Variants in GRID2 observed in about 807,000 individuals in gnomAD.
GRID2 encodes glutamate receptor ionotropic, delta-2.
In GRID2, 33 loss-of-function variants were observed where a neutral mutation model predicts 114.8. The observed-to-expected ratio is 0.29, with a 90% confidence interval of 0.22 to 0.38. GRID2 has a LOEUF of 0.38. Ranked by LOEUF, GRID2 falls within the 10% of genes least tolerant of loss-of-function variation. GRID2 has a pLI of 1.00. For synonymous variants in GRID2, 505 were observed against 449.9 expected (o/e 1.12, Z -1.55); for missense variants, 1,184 against 1,257.7 (o/e 0.94, Z 0.89).
At chr4:92,804,186 C>A (rs763444671) in intron 2 of GRID2, among the ~76,000 whole-genome samples, 1 of 152,138 alleles carries the variant, frequency 6.6e-6, no homozygotes, top group South Asian at 2.1e-4. Context: ...CTTCCAAGAT[C>A]TTCTTTGCAA....
chr4:92,862,202 C>T (rs1242613277), intron 2 of GRID2, among the ~76,000 whole-genome samples: 1 of 151,940 alleles, frequency 6.6e-6, no homozygotes, highest in African/African-American at 2.4e-5. Context: ...TCAATCTTAA[C>T]AAAGCTATCT....
At chr4:92,881,515 C>T (rs1432793992) in intron 2 of GRID2, among the ~76,000 whole-genome samples, 1 of 151,714 alleles carries the variant, frequency 6.6e-6, no homozygotes, top group Admixed American at 6.6e-5. Context: ...CTTTTTTTTC[C>T]TGACCCAATA....
chr4:93,209,550 A>T (rs530474392), intron 5 of GRID2, among the ~76,000 whole-genome samples: 1 of 152,084 alleles, frequency 6.6e-6, no homozygotes, highest in Non-Finnish European at 1.5e-5. Context: ...TAGTGATGCA[A>T]TGGACATAGG....
intron 2 of GRID2, among the ~76,000 whole-genome samples, chr4:92,922,435 G>A (rs559343323): frequency 7.9e-5 from 12 of 152,128 alleles, no homozygotes; most frequent in East Asian, 1.9e-4. Flanking sequence ...CCTCTGTGTC[G>A]CTCATGCTGG....
intron 8 of GRID2, among the ~76,000 whole-genome samples, chr4:93,259,652 T>C (rs937576217): frequency 1.3e-5 from 2 of 151,894 alleles, no homozygotes; most frequent in African/African-American, 4.8e-5. Flanking sequence ...AGTTATTTTT[T>C]AATATATTTT....
At chr4:92,533,105 C>T (rs966510272) in intron 1 of GRID2, among the ~76,000 whole-genome samples, 2 of 151,830 alleles carry the variant, frequency 1.3e-5, no homozygotes, top group African/African-American at 4.8e-5. Flanking sequence ...TTTTATTCTC[C>T]CTTTCTGTTC....
Position 92,541,161 on chromosome 4 carries a change from G to T in GRID2, c.89-48970G>T, listed in dbSNP as rs183219664. Among the ~76,000 whole-genome samples the T allele has an allele frequency of 3.6e-4, 54 of 151,986 alleles. 1 individual carries two copies. Among genetic ancestry groups the T allele is most frequent in the Non-Finnish European group, 2.9e-5 (2 of 68,010 alleles). On this transcript the variant is annotated intron_variant, in intron 1 of 15. Transcript: ENST00000282020. ...CCTGTTGTAGGGTGGGGAGAGGGGG[G>T]AGGGATAGCATTAGTAGATATATCT...
chr4:92,853,228 A>G (rs1199130621), intron 2 of GRID2, among the ~76,000 whole-genome samples: 1 of 152,014 alleles, frequency 6.6e-6, no homozygotes, highest in Non-Finnish European at 1.5e-5. Context: ...ATGATATAAT[A>G]TATGACTCAG....
chr4:92,621,710 G>A (rs1231086455), intron 2 of GRID2, among the ~76,000 whole-genome samples: 1 of 151,780 alleles, frequency 6.6e-6, no homozygotes, highest in Non-Finnish European at 1.5e-5. Context: ...TTAAATTATG[G>A]AGAGAATTTT....
intron 12 of GRID2, among the ~76,000 whole-genome samples, chr4:93,494,194 T>C (rs1289045154): frequency 6.6e-6 from 1 of 151,850 alleles, no homozygotes; most frequent in Non-Finnish European, 1.5e-5. Flanking sequence ...TTTATATTAA[T>C]AAGATTTGCT....
intron 2 of GRID2, among the ~76,000 whole-genome samples, chr4:92,617,367 C>T (rs975438366): frequency 1.3e-5 from 2 of 151,492 alleles, no homozygotes; most frequent in Non-Finnish European, 3.0e-5. Flanking sequence ...TAATGCTCTC[C>T]CTCCACTTGT....
chr4:92,842,275 T>C (rs780995049), intron 2 of GRID2, among the ~76,000 whole-genome samples: 8 of 152,100 alleles, frequency 5.3e-5, no homozygotes, highest in African/African-American at 9.7e-5. Context: ...GACCACAAAA[T>C]ATTTGAAGCA....
chr4:93,558,861 G>A (rs1198574752), intron 13 of GRID2, among the ~76,000 whole-genome samples: 2 of 152,126 alleles, frequency 1.3e-5, no homozygotes, highest in Non-Finnish European at 2.9e-5. Context: ...AATGAATCCA[G>A]CAGCACATCA....
chr4:93,208,805 A>G (rs1185814754), intron 5 of GRID2, among the ~76,000 whole-genome samples: 1 of 151,952 alleles, frequency 6.6e-6, no homozygotes, highest in Admixed American at 6.6e-5. Flanking sequence ...TTCCTCAGGC[A>G]ATACGTATCT....
intron 1 of GRID2, among the ~76,000 whole-genome samples, chr4:92,411,112 G>C (rs1199637956): frequency 6.6e-6 from 1 of 152,116 alleles, no homozygotes; most frequent in Non-Finnish European, 1.5e-5. Context: ...CTGGCATGTG[G>C]TGGGTTCTTA....
At chr4:93,582,582 G>A (rs1185284501) in intron 13 of GRID2, among the ~76,000 whole-genome samples, 1 of 152,142 alleles carries the variant, frequency 6.6e-6, no homozygotes, top group African/African-American at 2.4e-5. Flanking sequence ...ATCAGAAATA[G>A]AATGAGAAGT....
intron 1 of GRID2, among the ~76,000 whole-genome samples, chr4:92,334,119 C>T (rs959648451): frequency 1.3e-5 from 2 of 152,172 alleles, no homozygotes; most frequent in Non-Finnish European, 2.9e-5. Flanking sequence ...TTCTTTGCTA[C>T]TTTATAACAA....
Position 93,224,639 on chromosome 4 carries a change from C to T in GRID2, c.989C>T (p.Thr330Met), listed in dbSNP as rs373866971. 77 of 1,610,168 alleles carry T rather than the reference C, an allele frequency of 4.8e-5. No homozygotes were observed. Among genetic ancestry groups the T allele is most frequent in the East Asian group, 2.9e-4 (13 of 44,822 alleles). ...ATTTCCAACCTTTACATATATGACA[C>T]GGTGCTTCTGCTTGCTAATGCTTTT... The part of the protein sequence containing the change: ...MEISNLYIYD[T>M]VLLLANAFHK... Residue 330 changes from threonine to methionine, a missense_variant, in exon 7 of 16, where the codon ACG becomes ATG. By Grantham distance (81) the Thr-to-Met change is moderately conservative. Coordinates refer to ENST00000282020, the MANE Select transcript of GRID2 (RefSeq NM_001510.4).
At chr4:93,377,565 G>A (rs1763486938) in intron 8 of GRID2, among the ~76,000 whole-genome samples, 2 of 152,156 alleles carry the variant, frequency 1.3e-5, no homozygotes, top group African/African-American at 4.8e-5. Context: ...CTGTCCAGAA[G>A]TTGCTCTGAT....
Sources: gnomAD v4.1 joint callset for allele counts (sites outside exome capture counted in the v4.1 genomes callset) on GRCh38, gnomAD v4.1.1 for gene constraint, MANE v1.5 for transcripts, NCBI Gene and HGNC (gene_info 2026-07-23, HGNC 2026-07-21) for gene names.